The following AKAIN1 variants were observed in gnomAD, a reference collection of about 807,000 sequenced individuals.
The protein encoded by AKAIN1 is A-kinase anchor inhibitor 1, also known as A-kinase anchor protein inhibitor 1.
AKAIN1 carries 3 observed loss-of-function variants against 3.7 expected under a neutral mutation model. The ratio of observed to expected loss-of-function variants is 0.82; its 90% CI spans 0.37 to 2.12. The LOEUF (loss-of-function observed/expected upper bound fraction) is 2.12. Ranked by LOEUF, AKAIN1 falls within the 30% of genes most tolerant of loss-of-function variation. AKAIN1 has a pLI of 0.06. For missense variants in AKAIN1, 82 were observed against 82.7 expected (o/e 0.99, Z 0.03); for synonymous variants, 31 against 30.8 (o/e 1.01, Z -0.02).
At chr18:5,194,915 G>A (rs1342164549) in intron 1 of AKAIN1, among the ~76,000 whole-genome samples, 2 of 152,118 alleles carry the variant, frequency 1.3e-5, no homozygotes, top group Non-Finnish European at 1.5e-5. Context: ...TTATTATAGA[G>A]ATTTAGAAAA....
At position 5,154,030 on chromosome 18, in the gene AKAIN1, G is replaced by A. The variant is rs374286604; in HGVS notation, c.17-8275C>T. ...GAGGATCACTTGTGTCTGGGAGATC[G>A]AGACCAGCCTAAGTAACATTGTGAG... is the stretch of plus-strand genomic sequence containing the variant. On this transcript the variant is annotated intron_variant, in intron 1 of 1. Transcript: ENST00000434239. 2.5e-4 allele frequency among the ~76,000 whole-genome samples: 38 copies of A among 152,202 alleles called. No homozygotes were observed. The East Asian group carries it at 4.1e-3, about 16-fold the overall frequency.
chr18:5,152,566 C>A (rs1022598629), intron 1 of AKAIN1, among the ~76,000 whole-genome samples: 28 of 152,242 alleles, frequency 1.8e-4, no homozygotes, highest in Admixed American at 5.9e-4. Flanking sequence ...AGTGTCTCCA[C>A]GTATTGACTT....
chr18:5,193,835 C>T (rs969934820), intron 1 of AKAIN1, among the ~76,000 whole-genome samples: 2 of 152,148 alleles, frequency 1.3e-5, no homozygotes, highest in East Asian at 1.9e-4. Flanking sequence ...ATTGCTATAG[C>T]CACAGCCTAA....
rs532913185 is a variant in AKAIN1 at position 5,184,176 on chromosome 18, CA to C, written c.16+12861del. Among the ~76,000 whole-genome samples the C allele has an allele frequency of 3.7e-3, 556 of 152,126 alleles. 3 individuals are homozygous for C. The highest frequency in any genetic ancestry group is 0.013 in the African/African-American group (529 of 41,536). Reference sequence around the variant, plus strand: ...TTTTTGCCACTCTGCACATGCCCCACAATGACAGCAAAAGTGCTGCACTGAT... The same window carrying C: ...TTTTTGCCACTCTGCACATGCCCCACATGACAGCAAAAGTGCTGCACTGAT... On this transcript the variant is annotated intron_variant, in intron 1 of 1. Transcript: ENST00000434239.
intron 1 of AKAIN1, among the ~76,000 whole-genome samples, chr18:5,169,003 G>A (rs1316572286): frequency 6.6e-6 from 1 of 152,028 alleles, no homozygotes; most frequent in African/African-American, 2.4e-5. Context: ...TTGTTTTAAG[G>A]AAGTGGTTCA....
chr18:5,179,867 T>C (rs1435183391), intron 1 of AKAIN1, among the ~76,000 whole-genome samples: 1 of 152,140 alleles, frequency 6.6e-6, no homozygotes, highest in Non-Finnish European at 1.5e-5. Flanking sequence ...CTTTATAAGG[T>C]ATATTTACGT....
intron 1 of AKAIN1, among the ~76,000 whole-genome samples, chr18:5,179,793 C>T (rs1165333790): frequency 6.6e-6 from 1 of 152,150 alleles, no homozygotes; most frequent in Non-Finnish European, 1.5e-5. Flanking sequence ...TTCTTTTCAG[C>T]TCTTTAATAT....
chr18:5,172,658 A>C (rs1598311338), intron 1 of AKAIN1, among the ~76,000 whole-genome samples: 1 of 138,264 alleles, frequency 7.2e-6, no homozygotes, highest in East Asian at 2.1e-4. Flanking sequence ...GGGAGGAATA[A>C]AGTTCTATAT....
intron 1 of AKAIN1, among the ~76,000 whole-genome samples, 164 bp from the exon 2 acceptor site, chr18:5,145,919 G>A (rs1567870084): frequency 6.6e-6 from 1 of 152,110 alleles, no homozygotes; most frequent in Non-Finnish European, 1.5e-5. Context: ...TACAATTGGG[G>A]GATTGGTCTC....
At chr18:5,196,740 G>C (rs1216712461) in intron 1 of AKAIN1, among the ~76,000 whole-genome samples, 4 of 152,088 alleles carry the variant, frequency 2.6e-5, no homozygotes, top group Admixed American at 2.0e-4. Flanking sequence ...TGCTGCTGGC[G>C]AAAGTCCCAG....
chr18:5,196,908 A>T, intron 1 of AKAIN1, 130 bp downstream of exon 1: 2 of 855,828 alleles, frequency 2.3e-6, no homozygotes, highest in Non-Finnish European at 3.8e-6. Context: ...CCTCCGCCCC[A>T]TGAGCACAGA....
chr18:5,172,229 G>A (rs2071201749), intron 1 of AKAIN1, among the ~76,000 whole-genome samples: 2 of 152,036 alleles, frequency 1.3e-5, no homozygotes, highest in Non-Finnish European at 2.9e-5. Flanking sequence ...ACTGGAGATG[G>A]TTAATGGGTA....
At chr18:5,151,220 A>G (rs1451301998) in intron 1 of AKAIN1, among the ~76,000 whole-genome samples, 1 of 152,216 alleles carries the variant, frequency 6.6e-6, no homozygotes, top group Non-Finnish European at 1.5e-5. Context: ...GACTGCAAAG[A>G]TAGTATGATC....
chr18:5,152,768 C>A (rs139868807), intron 1 of AKAIN1, among the ~76,000 whole-genome samples: 1 of 152,130 alleles, frequency 6.6e-6, no homozygotes, highest in African/African-American at 2.4e-5. Flanking sequence ...AGTGGCAAGT[C>A]CCTGATCTGC....
At chr18:5,176,106 C>T (rs781526435) in intron 1 of AKAIN1, among the ~76,000 whole-genome samples, 3 of 152,080 alleles carry the variant, frequency 2.0e-5, no homozygotes, top group Non-Finnish European at 2.9e-5. Flanking sequence ...TGGTTGAGAA[C>T]CACTGCCCTA....
Position 5,197,238 on chromosome 18 carries a change from G to T in AKAIN1, c.-185C>A. On this transcript the variant is annotated 5_prime_UTR_variant, in exon 1 of 2. Transcript: ENST00000434239. This position sits in a 1 kb window ranked among gnomAD's most constrained non-coding sequence, Gnocchi z 6.9. ...TGGGGCCGCAGCTCCAGCCGCCGCC[G>T]CGCGCTCTGCCTCCACAATGCGGCC... The T allele has an allele frequency of 7.2e-7, 1 of 1,382,962 alleles. No individual in the cohort carries two copies. The highest frequency in any genetic ancestry group is 1.7e-5 in the South Asian group (1 of 59,298). 85.7% of individuals were successfully genotyped at this position (1,382,962 alleles called of 1,614,324 possible). A position where few individuals can be genotyped will look rare whatever the true frequency, so the allele number is the denominator to read the frequency against.
chr18:5,187,616 T>C (rs994351358), intron 1 of AKAIN1, among the ~76,000 whole-genome samples: 2 of 152,144 alleles, frequency 1.3e-5, no homozygotes, highest in Non-Finnish European at 2.9e-5. Flanking sequence ...AACCCATTCA[T>C]GAGGACACAA....
At chr18:5,160,496 C>T (rs1230378945) in intron 1 of AKAIN1, among the ~76,000 whole-genome samples, 1 of 152,070 alleles carries the variant, frequency 6.6e-6, no homozygotes, top group East Asian at 1.9e-4. Context: ...GCAGATACTT[C>T]TATGGCCCTC....
At chr18:5,171,629 C>A (rs543860201) in intron 1 of AKAIN1, among the ~76,000 whole-genome samples, 1 of 152,118 alleles carries the variant, frequency 6.6e-6, no homozygotes, top group African/African-American at 2.4e-5. Flanking sequence ...CAAATCAAAA[C>A]TACAATGAAA....
Sources: allele counts gnomAD v4.1 joint callset (sites outside exome capture counted in the v4.1 genomes callset), GRCh38; gene constraint gnomAD v4.1.1; non-coding constraint Gnocchi (gnomAD v3.1); transcripts MANE v1.5; gene names NCBI Gene and HGNC (gene_info 2026-07-23, HGNC 2026-07-21).